The following EGFLAM variants were observed in gnomAD, a reference collection of about 807,000 sequenced individuals.
EGFLAM encodes pikachurin.
In EGFLAM, 79 loss-of-function variants were observed where a neutral mutation model predicts 113.1. The observed-to-expected ratio is 0.70, with a 90% CI of 0.58 to 0.84. EGFLAM has a LOEUF of 0.84. EGFLAM is among the 40% of genes least tolerant of loss of function. EGFLAM has a pLI of 0.00. For synonymous variants in EGFLAM, 504 were observed against 487.6 expected (o/e 1.03, Z -0.44); for missense variants, 1,265 against 1,291.6 (o/e 0.98, Z 0.32).
intron 1 of EGFLAM, among the ~76,000 whole-genome samples, chr5:38,328,068 G>A (rs1350082222): frequency 3.9e-5 from 6 of 152,144 alleles, no homozygotes; most frequent in Non-Finnish European, 5.9e-5. Context: ...AGATACACTC[G>A]AGATTGGGTA....
chr5:38,287,443 C>T (rs1294892235), intron 1 of EGFLAM, among the ~76,000 whole-genome samples: 8 of 152,176 alleles, frequency 5.3e-5, no homozygotes, highest in African/African-American at 1.9e-4. Context: ...ACAATCTTGG[C>T]TCACTGCAAC....
chr5:38,439,110 A>G (rs1229079137), intron 17 of EGFLAM, among the ~76,000 whole-genome samples: 2 of 152,226 alleles, frequency 1.3e-5, no homozygotes, highest in East Asian at 3.8e-4. Context: ...GGGCCTGGTA[A>G]GTACTCAAGC....
At chr5:38,352,046 A>G (rs1561289652) in intron 4 of EGFLAM, 150 bp from the exon 5 acceptor site, 1 of 1,055,884 alleles carries the variant, frequency 9.5e-7, no homozygotes, top group Non-Finnish European at 1.4e-6. Flanking sequence ...GCTGTTCTGA[A>G]CAGAGATATT....
intron 19 of EGFLAM, among the ~76,000 whole-genome samples, chr5:38,457,051 T>G (rs773643642): frequency 8.5e-5 from 13 of 152,172 alleles, no homozygotes; most frequent in Non-Finnish European, 1.6e-4. Context: ...GAAACCCTTA[T>G]GGTATCGGGG....
intron 1 of EGFLAM, chr5:38,305,723 A>G (rs1690275951): frequency 5.6e-6 from 1 of 178,162 alleles, no homozygotes; most frequent in African/African-American, 2.4e-5. Flanking sequence ...AAAAGTACAA[A>G]TTTTATATTA....
At chr5:38,351,974 G>A (rs1043220042) in intron 4 of EGFLAM, among the ~76,000 whole-genome samples, 1 of 152,120 alleles carries the variant, frequency 6.6e-6, no homozygotes, top group Non-Finnish European at 1.5e-5. Context: ...TCATTGACTC[G>A]AACCTCACAT....
chr5:38,405,965 C>T, intron 6 of EGFLAM, 161 bp from the exon 7 acceptor site: 3 of 645,546 alleles, frequency 4.6e-6, no homozygotes, highest in Admixed American at 2.6e-5. Context: ...TTTTTTATAT[C>T]TTTTGGTCAT....
chr5:38,460,627 T>A (rs1360033070), intron 20 of EGFLAM, among the ~76,000 whole-genome samples: 6 of 152,156 alleles, frequency 3.9e-5, no homozygotes, highest in Non-Finnish European at 8.8e-5. Flanking sequence ...TAGGTTGCAA[T>A]GAGGGCTGAA....
At chr5:38,458,159 C>T in intron 19 of EGFLAM, 152 bp from the exon 20 acceptor site, 1 of 594,598 alleles carries the variant, frequency 1.7e-6, no homozygotes. Context: ...GCCTAGAAAC[C>T]CAACAACTTT....
At chr5:38,428,343 A>G (rs1419573488) in intron 14 of EGFLAM, among the ~76,000 whole-genome samples, 1 of 152,324 alleles carries the variant, frequency 6.6e-6, no homozygotes, top group East Asian at 1.9e-4. Context: ...ACAGTTCTTA[A>G]AAAGGATGGT....
chr5:38,364,709 C>G (rs1740015421), intron 5 of EGFLAM, among the ~76,000 whole-genome samples: 1 of 152,098 alleles, frequency 6.6e-6, no homozygotes, highest in Admixed American at 6.5e-5. Flanking sequence ...TAATGAGCTC[C>G]CAGCCCAGGA....
At chr5:38,384,937 G>A (rs1437224557) in intron 6 of EGFLAM, among the ~76,000 whole-genome samples, 1 of 152,124 alleles carries the variant, frequency 6.6e-6, no homozygotes, top group Non-Finnish European at 1.5e-5. Context: ...CTGGCATTTA[G>A]TCAGTAGAGA....
intron 15 of EGFLAM, among the ~76,000 whole-genome samples, chr5:38,433,236 C>T (rs886221312): frequency 3.3e-5 from 5 of 152,190 alleles, no homozygotes; most frequent in Admixed American, 1.3e-4. Context: ...ACCTAAGCAC[C>T]TAAGAGCCTG....
At chr5:38,442,484 T>C (rs2112238282) in intron 17 of EGFLAM, among the ~76,000 whole-genome samples, 1 of 150,866 alleles carries the variant, frequency 6.6e-6, no homozygotes, top group African/African-American at 2.4e-5. Flanking sequence ...TCAAATTAAT[T>C]GGAAAAGAGA....
rs541652420 is a variant in EGFLAM at position 38,356,729 on chromosome 5, T to G, written c.545+4398T>G. ...AAAGCCTCCACAGCTTGTTGCAGCA[T>G]TTAATGTTTGGCTGCAAAATCAATC... On this transcript the variant is annotated intron_variant, in intron 5 of 21. Coordinates refer to ENST00000322350, the MANE Select transcript of EGFLAM (RefSeq NM_152403.4). Among the ~76,000 whole-genome samples the G allele has an allele frequency of 2.0e-5, 3 of 152,302 alleles. No homozygotes were observed. The South Asian group carries it at 6.2e-4, about 32-fold the overall frequency.
intron 3 of EGFLAM, among the ~76,000 whole-genome samples, chr5:38,347,682 T>C (rs896299224): frequency 2.0e-5 from 3 of 152,050 alleles, no homozygotes; most frequent in Admixed American, 6.6e-5. Flanking sequence ...GAATGTAGAA[T>C]GTAAGGAGGG....
chr5:38,291,072 ACTCCGT>A (rs1477080626), intron 1 of EGFLAM: 1 of 150,368 alleles, frequency 6.7e-6, no homozygotes, highest in African/African-American at 2.5e-5. Flanking sequence ...ACAGAGCGAG[ACTCCGT>A]CTCCAAAAAA....
chr5:38,290,085 C>T (rs1433264683), intron 1 of EGFLAM, among the ~76,000 whole-genome samples: 2 of 152,034 alleles, frequency 1.3e-5, no homozygotes, highest in Non-Finnish European at 2.9e-5. Flanking sequence ...TGGATTTTTC[C>T]AAAATCAGAC....
At chr5:38,338,496 T>A (rs1739244198) in intron 2 of EGFLAM, among the ~76,000 whole-genome samples, 1 of 152,146 alleles carries the variant, frequency 6.6e-6, no homozygotes, top group African/African-American at 2.4e-5. Flanking sequence ...ATATGTGTCT[T>A]CCTCCTGGAC....
Sources: allele counts gnomAD v4.1 joint callset (sites outside exome capture counted in the v4.1 genomes callset), GRCh38; gene constraint gnomAD v4.1.1; transcripts MANE v1.5; gene names NCBI Gene and HGNC (gene_info 2026-07-23, HGNC 2026-07-21).